MARK1: variants seen among roughly 807,000 people sequenced by gnomAD.
MARK1 encodes the protein microtubule affinity regulating kinase 1.
A neutral mutation model predicts 96.3 loss-of-function variants in MARK1; 40 were observed. The ratio of observed to expected loss-of-function variants is 0.42; its 90% CI spans 0.32 to 0.54. MARK1 has a LOEUF of 0.54. Among genes scored for constraint, MARK1 ranks in the 20% least tolerant of loss-of-function variants. MARK1 has a pLI of 0.16. For synonymous variants in MARK1, 317 were observed against 341.2 expected, an observed-to-expected ratio of 0.93 and a Z score of 0.78; for missense variants, 719 against 984.6, an observed-to-expected ratio of 0.73 and a Z score of 3.61.
chr1:220,617,823 T>C (rs1666839326), intron 7 of MARK1, among the ~76,000 whole-genome samples: 1 of 152,176 alleles, frequency 6.6e-6, no homozygotes, highest in Admixed American at 6.5e-5. Context: ...AGGAATGAAT[T>C]AGTAGTCACA....
chr1:220,629,525 TC>T (rs1020859417), intron 9 of MARK1, among the ~76,000 whole-genome samples: 13 of 152,074 alleles, frequency 8.5e-5, no homozygotes, highest in African/African-American at 2.7e-4. Flanking sequence ...ATTGAACAAA[TC>T]CCCATTTCTC....
chr1:220,581,385 A>T (rs2102843928), intron 3 of MARK1, among the ~76,000 whole-genome samples: 1 of 152,298 alleles, frequency 6.6e-6, no homozygotes, highest in South Asian at 2.1e-4. Flanking sequence ...ATTTTGAAGT[A>T]TTCAGGATTT....
intron 6 of MARK1, among the ~76,000 whole-genome samples, chr1:220,611,012 G>C (rs1289820508): frequency 6.6e-6 from 1 of 152,218 alleles, no homozygotes; most frequent in African/African-American, 2.4e-5. Flanking sequence ...GTGTCTCCCA[G>C]TTAGGCTACA....
intron 1 of MARK1, among the ~76,000 whole-genome samples, chr1:220,561,888 G>A (rs1262039225): frequency 6.6e-6 from 1 of 152,100 alleles, no homozygotes; most frequent in African/African-American, 2.4e-5. Context: ...AAATCTATTG[G>A]CAATGGATGA....
At chr1:220,636,221 G>A (rs989549436) in intron 13 of MARK1, among the ~76,000 whole-genome samples, 195 bp downstream of exon 13, 7 of 152,032 alleles carry the variant, frequency 4.6e-5, no homozygotes, top group South Asian at 2.1e-4. Flanking sequence ...TTTTGCATGC[G>A]TTAACACTTA....
intron 9 of MARK1, among the ~76,000 whole-genome samples, chr1:220,629,213 G>C (rs954593088): frequency 4.6e-5 from 7 of 152,098 alleles, no homozygotes; most frequent in African/African-American, 7.2e-5. Flanking sequence ...TAATATATCA[G>C]CACCTAAAAT....
At chr1:220,590,440 A>C (rs77714842) in intron 3 of MARK1, among the ~76,000 whole-genome samples, 85 of 152,250 alleles carry the variant, frequency 5.6e-4, no homozygotes, top group African/African-American at 2.0e-3. Flanking sequence ...TGACTAGTTC[A>C]TCCCTGACAT....
chr1:220,607,244 TG>T (rs1254969600), intron 6 of MARK1, among the ~76,000 whole-genome samples: 1 of 152,184 alleles, frequency 6.6e-6, no homozygotes, highest in Non-Finnish European at 1.5e-5. Context: ...TCACGTCCCT[TG>T]TAAGTTGGAT....
chr1:220,535,894 A>G (rs1000721314), intron 1 of MARK1, among the ~76,000 whole-genome samples: 5 of 152,106 alleles, frequency 3.3e-5, no homozygotes, highest in African/African-American at 1.2e-4. Flanking sequence ...CTATTACTAT[A>G]CTATTTTGAT....
At chr1:220,612,293 G>C (rs1666490390) in intron 6 of MARK1, among the ~76,000 whole-genome samples, 1 of 152,140 alleles carries the variant, frequency 6.6e-6, no homozygotes, top group Non-Finnish European at 1.5e-5. Context: ...ATCTTTGCTG[G>C]TGAGCGAGAG....
chr1:220,648,197 A>G (rs985046747), intron 13 of MARK1, among the ~76,000 whole-genome samples: 2 of 152,190 alleles, frequency 1.3e-5, no homozygotes, highest in African/African-American at 4.8e-5. Flanking sequence ...ATTATATAAA[A>G]TATCACTTTA....
chr1:220,560,688 G>C (rs762718277), intron 1 of MARK1, among the ~76,000 whole-genome samples: 6 of 152,190 alleles, frequency 3.9e-5, no homozygotes, highest in African/African-American at 9.6e-5. Context: ...GGACAGAATG[G>C]ACAAAGTAAG....
intron 9 of MARK1, chr1:220,626,829 A>T: frequency 2.6e-6 from 1 of 382,574 alleles, no homozygotes; most frequent in South Asian, 2.3e-5. Flanking sequence ...CAAAAAAAAA[A>T]AAAAAGGGTT....
chr1:220,575,820 G>C (rs553348086), intron 1 of MARK1, among the ~76,000 whole-genome samples: 2 of 150,988 alleles, frequency 1.3e-5, no homozygotes, highest in African/African-American at 4.9e-5. Context: ...TTACACCAAG[G>C]GTTGGCCAAC....
intron 1 of MARK1, among the ~76,000 whole-genome samples, chr1:220,542,159 A>C (rs1461562437): frequency 6.6e-6 from 1 of 152,140 alleles, no homozygotes; most frequent in African/African-American, 2.4e-5. Flanking sequence ...CTAAGTTTTA[A>C]GATTTTTCTC....
At chr1:220,651,816 ATTGTT>A (rs925092940) in intron 14 of MARK1, among the ~76,000 whole-genome samples, 165 bp from the exon 15 acceptor site, 27 of 152,302 alleles carry the variant, frequency 1.8e-4, no homozygotes, top group African/African-American at 6.0e-4. Context: ...AAGAATATTA[ATTGTT>A]TTGTTAGTCA....
At chr1:220,607,653 C>T (rs1234529942) in intron 6 of MARK1, among the ~76,000 whole-genome samples, 1 of 151,900 alleles carries the variant, frequency 6.6e-6, no homozygotes, top group Non-Finnish European at 1.5e-5. Flanking sequence ...GGGAATGCTT[C>T]CAGTTTTTGC....
intron 6 of MARK1, among the ~76,000 whole-genome samples, chr1:220,615,727 C>T (rs1328840290): frequency 6.6e-6 from 1 of 152,020 alleles, no homozygotes; most frequent in Non-Finnish European, 1.5e-5. Flanking sequence ...ATTGTATTTT[C>T]GCAAGAGAAT....
intron 10 of MARK1, among the ~76,000 whole-genome samples, chr1:220,631,447 G>A (rs554979503): frequency 6.6e-6 from 1 of 152,240 alleles, no homozygotes; most frequent in African/African-American, 2.4e-5. Flanking sequence ...TGATCAGACT[G>A]ATAAGCATCA....
Sources: allele counts gnomAD v4.1 joint callset (sites outside exome capture counted in the v4.1 genomes callset), GRCh38; gene constraint gnomAD v4.1.1; transcripts MANE v1.5; gene names NCBI Gene and HGNC (gene_info 2026-07-23, HGNC 2026-07-21).